The following SPAG16 variants were observed in gnomAD, a reference collection of about 807,000 sequenced individuals.
The protein encoded by SPAG16 is sperm associated antigen 16, also known as sperm-associated antigen 16 protein.
SPAG16 carries 86 observed loss-of-function variants against 80.4 expected under a neutral mutation model. The observed-to-expected ratio is 1.07, with a 90% CI of 0.90 to 1.28. SPAG16 has a LOEUF of 1.28. Among genes scored for constraint, SPAG16 ranks in the 50% most tolerant of loss-of-function variants. SPAG16 has a pLI of 0.00. For missense variants in SPAG16, 870 were observed against 765.3 expected, an observed-to-expected ratio of 1.14 and a Z score of -1.61; for synonymous variants, 294 against 265.9, an observed-to-expected ratio of 1.11 and a Z score of -1.03.
intron 9 of SPAG16, among the ~76,000 whole-genome samples, chr2:213,383,379 G>A (rs938846582): frequency 1.3e-5 from 2 of 152,050 alleles, no homozygotes; most frequent in African/African-American, 4.8e-5. Flanking sequence ...ACTTGTTCCT[G>A]TTCTTCTCAT....
intron 13 of SPAG16, among the ~76,000 whole-genome samples, chr2:214,026,589 G>A (rs2048143448): frequency 1.3e-5 from 2 of 151,382 alleles, no homozygotes; most frequent in Non-Finnish European, 1.5e-5. Flanking sequence ...ATTCCAAGGA[G>A]ATCCTAATAA....
At chr2:213,605,245 C>T (rs1247701026) in intron 10 of SPAG16, among the ~76,000 whole-genome samples, 1 of 150,912 alleles carries the variant, frequency 6.6e-6, no homozygotes, top group African/African-American at 2.4e-5. Flanking sequence ...CACTTTATTT[C>T]ATCTATAAAT....
intron 12 of SPAG16, among the ~76,000 whole-genome samples, chr2:213,965,464 A>G (rs1040958412): frequency 6.6e-6 from 1 of 152,164 alleles, no homozygotes; most frequent in African/African-American, 2.4e-5. Flanking sequence ...TTTAGAGAAT[A>G]CCTCAGGGCA....
Position 214,119,176 on chromosome 2 carries a change from G to A in SPAG16, c.1593+10915G>A, listed in dbSNP as rs575537991. ...TAGGCAATAAACAATATTTATATAT[G>A]GCCCTGAAAAACTATTGAATTGAAT... On this transcript the variant is annotated intron_variant, in intron 14 of 15. Coordinates refer to ENST00000331683, the MANE Select transcript of SPAG16 (RefSeq NM_024532.5). Among the ~76,000 whole-genome samples, 28 of 152,074 alleles carry A rather than the reference G, an allele frequency of 1.8e-4. No individual in the cohort carries two copies. The East Asian group carries it at 5.2e-3, about 28-fold the overall frequency.
At chr2:213,595,796 A>G (rs1466205278) in intron 10 of SPAG16, among the ~76,000 whole-genome samples, 4 of 152,098 alleles carry the variant, frequency 2.6e-5, no homozygotes, top group Non-Finnish European at 4.4e-5. Context: ...TAGTCTTTGT[A>G]TGTAAATGAC....
chr2:214,034,563 G>A (rs1037954011), intron 13 of SPAG16, among the ~76,000 whole-genome samples: 1 of 152,240 alleles, frequency 6.6e-6, no homozygotes, highest in Non-Finnish European at 1.5e-5. Context: ...GAGAGAGACA[G>A]CATGGGGTCT....
chr2:213,986,238 A>T (rs1014747265), intron 12 of SPAG16, among the ~76,000 whole-genome samples: 5 of 152,074 alleles, frequency 3.3e-5, no homozygotes, highest in Non-Finnish European at 7.4e-5. Context: ...AGGCATTTTA[A>T]GATGAGGAAA....
At chr2:213,330,720 A>G (rs2064059854) in intron 5 of SPAG16, among the ~76,000 whole-genome samples, 1 of 152,100 alleles carries the variant, frequency 6.6e-6, no homozygotes, top group Admixed American at 6.5e-5. Context: ...AAAACATGAG[A>G]TTTGAGAGGG....
At chr2:214,046,026 T>G (rs2049301984) in intron 13 of SPAG16, among the ~76,000 whole-genome samples, 1 of 152,026 alleles carries the variant, frequency 6.6e-6, no homozygotes, top group Admixed American at 6.6e-5. Context: ...ACACTATAAC[T>G]GATACCATAG....
intron 14 of SPAG16, among the ~76,000 whole-genome samples, chr2:214,131,155 C>G (rs918201311): frequency 2.0e-5 from 3 of 151,986 alleles, no homozygotes; most frequent in Admixed American, 2.0e-4. Flanking sequence ...TGTGGTAGCT[C>G]AAACTTCTGA....
At chr2:213,323,546 C>G (rs927927153) in intron 5 of SPAG16, among the ~76,000 whole-genome samples, 1 of 152,186 alleles carries the variant, frequency 6.6e-6, no homozygotes, top group African/African-American at 2.4e-5. Flanking sequence ...GCAGCCACCA[C>G]TGAAAACCGA....
intron 9 of SPAG16, among the ~76,000 whole-genome samples, chr2:213,463,129 CA>C (rs1243469802): frequency 6.6e-6 from 1 of 152,180 alleles, no homozygotes; most frequent in African/African-American, 2.4e-5. Context: ...AAGAGACTGG[CA>C]GTGTTTTGCT....
intron 10 of SPAG16, among the ~76,000 whole-genome samples, chr2:213,792,360 A>G (rs1163375516): frequency 1.3e-5 from 2 of 152,188 alleles, no homozygotes; most frequent in Non-Finnish European, 2.9e-5. Context: ...AAAGGATCAT[A>G]TACAGCTATT....
At chr2:213,792,407 C>G (rs1055855852) in intron 10 of SPAG16, among the ~76,000 whole-genome samples, 2 of 152,072 alleles carry the variant, frequency 1.3e-5, no homozygotes, top group Non-Finnish European at 2.9e-5. Context: ...AAATTTTCAA[C>G]TTACATTTGC....
intron 10 of SPAG16, among the ~76,000 whole-genome samples, chr2:213,815,036 C>A (rs1246321374): frequency 1.3e-5 from 2 of 151,846 alleles, no homozygotes; most frequent in African/African-American, 4.8e-5. Context: ...TATAAAAAAC[C>A]TGAATAGAAC....
intron 13 of SPAG16, among the ~76,000 whole-genome samples, chr2:214,051,684 A>G (rs886149762): frequency 4.6e-5 from 7 of 152,328 alleles, no homozygotes; most frequent in East Asian, 1.9e-4. Context: ...GTGAGCCACA[A>G]ATGAGAAGTT....
At chr2:213,804,358 C>T (rs2071607136) in intron 10 of SPAG16, among the ~76,000 whole-genome samples, 1 of 152,026 alleles carries the variant, frequency 6.6e-6, no homozygotes, top group Admixed American at 6.6e-5. Flanking sequence ...TAAGGATGGG[C>T]AAGGGGTAAG....
chr2:213,308,131 T>C (rs759261312), intron 3 of SPAG16, among the ~76,000 whole-genome samples: 7 of 152,130 alleles, frequency 4.6e-5, no homozygotes, highest in Non-Finnish European at 1.0e-4. Context: ...CAAGAGACGA[T>C]GATTGTTTTA....
chr2:214,304,983 A>C (rs1694813870), intron 15 of SPAG16, among the ~76,000 whole-genome samples: 1 of 152,064 alleles, frequency 6.6e-6, no homozygotes, highest in Non-Finnish European at 1.5e-5. Context: ...ACTGTTTTAC[A>C]CTCCCATCCA....
Sources: gnomAD v4.1 joint callset for allele counts (sites outside exome capture counted in the v4.1 genomes callset) on GRCh38, gnomAD v4.1.1 for gene constraint, MANE v1.5 for transcripts, NCBI Gene and HGNC (gene_info 2026-07-23, HGNC 2026-07-21) for gene names.